Variants in PKIA observed in about 807,000 individuals in gnomAD.
PKIA encodes the protein cAMP-dependent protein kinase inhibitor alpha, also known as PKI-alpha.
In PKIA, 4 loss-of-function variants were observed where a neutral mutation model predicts 7.6. The ratio of observed to expected loss-of-function variants is 0.52; its 90% CI spans 0.26 to 1.20. PKIA has a LOEUF of 1.20. PKIA is among the 50% of genes most tolerant of loss of function. The probability of loss-of-function intolerance (pLI) is 0.13; values close to 1 mark genes in which losing one functional copy is unlikely to be tolerated. For synonymous variants in PKIA, 21 were observed against 30.7 expected (o/e 0.68, Z 1.04); for missense variants, 73 against 86.2 (o/e 0.85, Z 0.61).
chr8:78,595,712 A>G lies in PKIA; in HGVS notation c.-27-2646A>G, dbSNP rs535227899. ...TGGTTTTCTGTTCCTGCATTAATTT[A>G]CTTAGGATAATGGCCTTCAGCTCCA... On this transcript the variant is annotated intron_variant, in intron 2 of 3. Transcript: ENST00000396418. Among the ~76,000 whole-genome samples, 46 of 152,170 alleles carry G rather than the reference A, an allele frequency of 3.0e-4. No homozygotes were observed. In the South Asian group the frequency reaches 7.9e-3, roughly 26 times the overall value.
rs1808364487 is a variant in PKIA at position 78,602,172 on chromosome 8, T to C, written c.*351T>C. ...CCCTCACAATGTCAGAGGATTTAAT[T>C]GTGTCTAATTGCGAAGGGTTGATTG... On this transcript the variant is annotated 3_prime_UTR_variant, in exon 4 of 4. Transcript: ENST00000396418. The C allele has an allele frequency of 4.6e-6, 1 of 216,080 alleles. No individual in the cohort carries two copies. Among genetic ancestry groups the C allele is most frequent in the Non-Finnish European group, 9.1e-6 (1 of 110,146 alleles). The allele number at this position is 216,080 out of a possible 1,614,324, so 13.4% of individuals were successfully genotyped here.
chr8:78,578,758 G>A (rs1807736258), intron 2 of PKIA, among the ~76,000 whole-genome samples: 1 of 151,736 alleles, frequency 6.6e-6, no homozygotes, highest in Non-Finnish European at 1.5e-5. Flanking sequence ...TATTGCTAGA[G>A]TGCCCTAAAA....
chr8:78,578,089 G>T (rs1807718221), intron 2 of PKIA, among the ~76,000 whole-genome samples: 1 of 151,892 alleles, frequency 6.6e-6, no homozygotes. Flanking sequence ...TAGATGGTTG[G>T]AAGATATTCA....
intron 1 of PKIA, among the ~76,000 whole-genome samples, chr8:78,555,888 T>C (rs891006565): frequency 7.2e-5 from 11 of 152,102 alleles, no homozygotes; most frequent in African/African-American, 2.7e-4. Context: ...TCAATAGCAA[T>C]GACTTTCTTG....
intron 1 of PKIA, among the ~76,000 whole-genome samples, chr8:78,529,655 T>G (rs185941876): frequency 6.6e-6 from 1 of 152,196 alleles, no homozygotes; most frequent in East Asian, 1.9e-4. Context: ...ATTTAGATTA[T>G]TTAAGCTAAA....
At position 78,539,793 on chromosome 8, in the gene PKIA, T is replaced by C; in HGVS notation, c.-157+23325T>C. Among the ~76,000 whole-genome samples, 3 of 152,188 alleles carry C rather than the reference T, an allele frequency of 2.0e-5. No homozygotes were observed. The Middle Eastern group carries it at 0.01, about 521-fold the overall frequency. On this transcript the variant is annotated intron_variant, in intron 1 of 3. Transcript: ENST00000396418. The stretch of plus-strand genomic sequence containing the variant: ...TAGAATTACATGTAATATAATTATA[T>C]GTAATAAACCTAATTATATTACATA...
intron 1 of PKIA, among the ~76,000 whole-genome samples, chr8:78,545,906 T>G (rs1053025796): frequency 6.6e-6 from 1 of 152,184 alleles, no homozygotes; most frequent in Non-Finnish European, 1.5e-5. Flanking sequence ...AATTGTCATC[T>G]TAAGTGACAG....
rs539913545 is a variant in PKIA at position 78,523,151 on chromosome 8, A to G, written c.-157+6683A>G. Among the ~76,000 whole-genome samples, 20 of 152,058 alleles carry G rather than the reference A, an allele frequency of 1.3e-4. No homozygotes were observed. In the East Asian group the frequency reaches 2.7e-3, roughly 21 times the overall value. On this transcript the variant is annotated intron_variant, in intron 1 of 3. Transcript: ENST00000396418. The stretch of plus-strand genomic sequence containing the variant: ...AAGATGAAGCAACATGTCTTATAAT[A>G]TATGTTTGAGTATCTACTTAAAACT...
intron 1 of PKIA, among the ~76,000 whole-genome samples, chr8:78,544,237 C>T (rs1355642632): frequency 6.6e-6 from 1 of 152,180 alleles, no homozygotes; most frequent in African/African-American, 2.4e-5. Context: ...TGTCTTCTAA[C>T]ACTTAACTTT....
chr8:78,571,207 C>A (rs1318653857), intron 1 of PKIA, among the ~76,000 whole-genome samples: 1 of 150,992 alleles, frequency 6.6e-6, no homozygotes, highest in Non-Finnish European at 1.5e-5. Context: ...AGATTAGACA[C>A]TTAGGACCTT....
intron 1 of PKIA, among the ~76,000 whole-genome samples, chr8:78,533,704 T>TA (rs1328050828): frequency 9.2e-5 from 14 of 151,826 alleles, no homozygotes; most frequent in African/African-American, 3.1e-4. Context: ...AAAAGCACTT[T>TA]AAAAAAATTT....
intron 1 of PKIA, among the ~76,000 whole-genome samples, chr8:78,525,883 T>C (rs956257011): frequency 3.9e-5 from 6 of 152,152 alleles, no homozygotes; most frequent in African/African-American, 1.4e-4. Flanking sequence ...CTTTGAATCA[T>C]ACCTTTACCA....
intron 2 of PKIA, among the ~76,000 whole-genome samples, chr8:78,595,069 A>T (rs965325275): frequency 6.6e-6 from 1 of 152,198 alleles, no homozygotes; most frequent in African/African-American, 2.4e-5. Context: ...AGTTGAGCCA[A>T]TTGGCACAAT....
chr8:78,543,415 G>A (rs1481997038), intron 1 of PKIA, among the ~76,000 whole-genome samples: 1 of 152,170 alleles, frequency 6.6e-6, no homozygotes, highest in Non-Finnish European at 1.5e-5. Context: ...GATACCTGGA[G>A]TACAAACTAA....
intron 1 of PKIA, among the ~76,000 whole-genome samples, chr8:78,532,241 T>A (rs1054284635): frequency 1.2e-4 from 18 of 152,078 alleles, no homozygotes; most frequent in Non-Finnish European, 2.6e-4. Context: ...ACTCAAAGCT[T>A]ATTTAATATT....
At chr8:78,561,732 C>A (rs1235972302) in intron 1 of PKIA, among the ~76,000 whole-genome samples, 1 of 152,122 alleles carries the variant, frequency 6.6e-6, no homozygotes, top group Non-Finnish European at 1.5e-5. Flanking sequence ...TTAGATAAAT[C>A]ACTTAATGTT....
intron 2 of PKIA, among the ~76,000 whole-genome samples, chr8:78,577,471 A>G (rs1316285665): frequency 6.6e-6 from 1 of 151,862 alleles, no homozygotes; most frequent in African/African-American, 2.4e-5. Flanking sequence ...AACAACCTGC[A>G]CATGTACCAC....
At chr8:78,571,534 G>A (rs938374120) in intron 1 of PKIA, among the ~76,000 whole-genome samples, 1 of 152,038 alleles carries the variant, frequency 6.6e-6, no homozygotes, top group African/African-American at 2.4e-5. Context: ...TAAATACTTC[G>A]ACTTTCTCAC....
chr8:78,598,944 CTTCAA>C (rs1475350122), intron 3 of PKIA, among the ~76,000 whole-genome samples: 1 of 152,050 alleles, frequency 6.6e-6, no homozygotes, highest in African/African-American at 2.4e-5. Flanking sequence ...TTCTGATAGA[CTTCAA>C]TTCTAAGAAC....
Sources: gnomAD v4.1 joint callset for allele counts (sites outside exome capture counted in the v4.1 genomes callset) on GRCh38, gnomAD v4.1.1 for gene constraint, MANE v1.5 for transcripts, NCBI Gene and HGNC (gene_info 2026-07-23, HGNC 2026-07-21) for gene names.